The following SSC5D variants were observed in gnomAD, a reference collection of about 807,000 sequenced individuals.
SSC5D encodes scavenger receptor cysteine rich family member with 5 domains.
SSC5D carries 106 observed loss-of-function variants against 104.6 expected under a neutral mutation model. That is an observed-to-expected ratio of 1.01 (90% CI 0.87 to 1.19). SSC5D has a LOEUF of 1.19. Ranked by LOEUF, SSC5D falls within the 50% of genes most tolerant of loss-of-function variation. The pLI is 0.00. For missense variants in SSC5D, 1,993 were observed against 2,153.8 expected (o/e 0.93, Z 1.48); for synonymous variants, 860 against 883.5 (o/e 0.97, Z 0.47).
At chr19:55,494,548 G>A in intron 7 of SSC5D, 62 bp from the exon 8 acceptor site, 3 of 1,439,914 alleles carry the variant, frequency 2.1e-6, no homozygotes, top group Non-Finnish European at 2.8e-6. Flanking sequence ...CAGGAGGTGG[G>A]GGTGCCGGCT....
chr19:55,490,723 T>G (rs1353662228), intron 5 of SSC5D, 49 bp from the exon 6 acceptor site: 4 of 1,440,342 alleles, frequency 2.8e-6, no homozygotes, highest in East Asian at 2.5e-5. Context: ...AAGGGGTGTT[T>G]GAATCATTTC....
intron 12 of SSC5D, among the ~76,000 whole-genome samples, chr19:55,509,850 C>CA (rs1250937223): frequency 0.025 from 1,862 of 75,524 alleles, 27 homozygotes; most frequent in African/African-American, 0.038. Context: ...AACTCTGTCT[C>CA]AAAAAAAAAA....
chr19:55,493,702 C>T lies in SSC5D; in HGVS notation c.1003C>T (p.Leu335=). 1.3e-6 allele frequency: 2 copies of T among 1,513,110 alleles called. No individual in the cohort carries two copies. The highest frequency in any genetic ancestry group is 1.4e-5 in the African/African-American group (1 of 70,966). 93.7% of individuals were successfully genotyped at this position (1,513,110 alleles called of 1,614,324 possible). ...WGSVCDDAWD[L]RDAAVACREL... ...GTCGGTGTGTGACGACGCCTGGGAC[C>T]TGCGAGACGCCGCTGTGGCCTGCCG... Residue 335 remains leucine (L), a synonymous_variant, in exon 7 of 14, where the codon CTG becomes TTG. Transcript: ENST00000389623.
In SSC5D at chr19:55,517,307, C is replaced by T. The variant is rs1045420160; in HGVS notation, c.3031C>T (p.Pro1011Ser). The T allele has an allele frequency of 1.9e-6, 3 of 1,549,344 alleles. No individual in the cohort carries two copies. Among genetic ancestry groups the T allele is most frequent in the East Asian group, 2.4e-5 (1 of 40,908 alleles). The change falls in exon 14 of 14, where the codon CCC becomes TCC. Residue 1011 changes from proline (P) to serine (S), a missense_variant. Around this residue, in one of 6 missense-constraint regions of SSC5D, gnomAD observed 423 missense variants for 409.2 expected, o/e 1.03. Transcript: ENST00000389623. ...RTAPPTPSPG[P>S]SASPGPPGPA... ...AGCGCCCCCAACCCCGTCCCCAGGT[C>T]CCTCCGCCTCTCCGGGACCCCCAGG...
At chr19:55,489,059 C>T (rs1180219943) in intron 2 of SSC5D, 27 bp downstream of exon 2, 17 of 654,952 alleles carry the variant, frequency 2.6e-5, no homozygotes, top group Admixed American at 5.4e-5. Context: ...CTCCCATCTG[C>T]CCGCCCCCCC....
rs1599920982 is a variant in SSC5D, at chr19:55,500,221, C to T, written c.2111C>T (p.Ala704Val). ...SHTTATLTPQAPRERTTKTMA... is the reference protein window; with the variant it reads ...SHTTATLTPQVPRERTTKTMA... ...ACCACTGCCACGCTGACCCCTCAGG[C>T]CCCCCGAGAACGGACCACTAAGACC... Residue 704 changes from alanine to valine, a missense_variant, in exon 10 of 14, where the codon GCC becomes GTC. By Grantham distance (64) the Ala-to-Val change is moderately conservative. Around this residue, in one of 6 missense-constraint regions of SSC5D, gnomAD observed 1,101 missense variants for 1,085.0 expected, o/e 1.01. Transcript: ENST00000389623. The surrounding 1 kb of genome is among the most constrained non-coding windows in gnomAD (Gnocchi z 4.6). 3.2e-6 allele frequency: 5 copies of T among 1,551,262 alleles called. No individual in the cohort carries two copies. The highest frequency in any genetic ancestry group is 2.4e-5 in the East Asian group (1 of 40,906).
intron 9 of SSC5D, 104 bp downstream of exon 9, chr19:55,498,301 C>A: frequency 4.8e-6 from 6 of 1,244,846 alleles, no homozygotes; most frequent in Non-Finnish European, 5.6e-6. Flanking sequence ...AAGCCCCAGC[C>A]CTGTGCTGGG....
chr19:55,504,127 G>A, intron 12 of SSC5D: 2 of 1,535,396 alleles, frequency 1.3e-6, no homozygotes, highest in Non-Finnish European at 1.7e-6. Flanking sequence ...GCCGGAAGCG[G>A]GAGCTCCGAG....
In SSC5D at chr19:55,501,097, C is replaced by T. The variant is rs1239719722; in HGVS notation, c.2681C>T (p.Ala894Val). The change falls in exon 12 of 14, where the codon GCC becomes GTC. Residue 894 changes from alanine to valine, a missense_variant. Physicochemically the swap from Ala to Val is moderately conservative, Grantham distance 64. Coordinates refer to ENST00000389623, the MANE Select transcript of SSC5D (RefSeq NM_001144950.2). ...TWDPTSREDL[A>V]KGTTTAGVPG... Reference sequence around the variant, plus strand: ...GACCCCACCTCAAGAGAGGACCTGGCCAAGGGGACTACCACAGCGGGGGTA... The same window carrying T: ...GACCCCACCTCAAGAGAGGACCTGGTCAAGGGGACTACCACAGCGGGGGTA... 13 of 1,551,626 alleles carry T rather than the reference C, an allele frequency of 8.4e-6. No homozygotes were observed. The highest frequency in any genetic ancestry group is 1.1e-5 in the Non-Finnish European group (13 of 1,146,984).
Position 55,499,893 on chromosome 19 carries a change from T to A in SSC5D, c.1783T>A (p.Trp595Arg). The A allele has an allele frequency of 6.4e-7, 1 of 1,551,568 alleles. No homozygotes were observed. Among genetic ancestry groups the A allele is most frequent in the Non-Finnish European group, 8.7e-7 (1 of 1,146,940 alleles). ...TGGACTGGGGAGAGATCGGGATGCCTGGCTCCCGGGAGAGCTGGCCACCAA... is the reference window on the plus strand; with the variant it reads ...TGGACTGGGGAGAGATCGGGATGCCAGGCTCCCGGGAGAGCTGGCCACCAA... ...IPGLGRDRDA[W>R]LPGELATKPS... The change falls in exon 10 of 14, where the codon TGG (tryptophan) becomes AGG (arginine). Residue 595 changes from tryptophan (W) to arginine (R), a missense_variant. Physicochemically the swap from Trp to Arg is moderately radical, Grantham distance 101 (BLOSUM62 -3). This residue lies in a region of SSC5D where 1,101 missense variants were observed against 1,085.0 expected (regional missense o/e 1.01). Transcript: ENST00000389623.
intron 13 of SSC5D, among the ~76,000 whole-genome samples, chr19:55,516,047 C>T (rs1313550875): frequency 6.6e-6 from 1 of 152,114 alleles, no homozygotes; most frequent in Non-Finnish European, 1.5e-5. Flanking sequence ...GGAAGACAGC[C>T]CCAGAAGAGG....
chr19:55,510,450 G>A (rs1987731089), intron 12 of SSC5D, among the ~76,000 whole-genome samples: 1 of 152,198 alleles, frequency 6.6e-6, no homozygotes, highest in Admixed American at 6.5e-5. Context: ...CCAGGTTCAA[G>A]TGATTTTCCT....
rs1261758754 is a variant in SSC5D at position 55,488,583 on chromosome 19, T to C, written c.-7T>C. Reference sequence around the variant, plus strand: ...CTTTCACCCCATCCCCTGCCCTGGCTGCAACCATGAGGGTCTTGGCCTGCC... The same window carrying C: ...CTTTCACCCCATCCCCTGCCCTGGCCGCAACCATGAGGGTCTTGGCCTGCC... On this transcript the variant is annotated 5_prime_UTR_variant, in exon 1 of 14. Coordinates refer to ENST00000389623, the MANE Select transcript of SSC5D (RefSeq NM_001144950.2). The C allele has an allele frequency of 6.5e-7, 1 of 1,549,492 alleles. No individual in the cohort carries two copies. The highest frequency in any genetic ancestry group is 8.7e-7 in the Non-Finnish European group (1 of 1,146,240).
At chr19:55,504,172 G>A (rs1247422357) in intron 12 of SSC5D, 1 of 1,535,692 alleles carries the variant, frequency 6.5e-7, no homozygotes, top group East Asian at 2.4e-5. Flanking sequence ...TGCCAGGGTT[G>A]CAGCGCCTCC....
chr19:55,489,075 G>GAA, intron 2 of SSC5D, 43 bp downstream of exon 2: 2 of 867,478 alleles, frequency 2.3e-6, no homozygotes, highest in Non-Finnish European at 3.0e-6. Flanking sequence ...CCCCCCCCCA[G>GAA]GCCTCCCCCT....
At chr19:55,494,326 G>A (rs78930890) in intron 7 of SSC5D, among the ~76,000 whole-genome samples, 3,080 of 152,176 alleles carry the variant, frequency 0.02, 106 homozygotes, top group African/African-American at 0.07. Context: ...CCTGGCCCCC[G>A]GCGGAAGCCA....
At chr19:55,494,824 TTC>T (rs1251459758) in intron 8 of SSC5D, 41 bp downstream of exon 8, 2 of 1,493,608 alleles carry the variant, frequency 1.3e-6, no homozygotes, top group Non-Finnish European at 1.8e-6. Context: ...GGGTCCTTCC[TTC>T]TGTTTCCTTC....
At chr19:55,502,708 T>C (rs1987537600) in intron 12 of SSC5D, among the ~76,000 whole-genome samples, 1 of 152,308 alleles carries the variant, frequency 6.6e-6, no homozygotes, top group South Asian at 2.1e-4. Flanking sequence ...CAGGCTGAAG[T>C]GCAGTGGTGC....
At chr19:55,491,387 T>TAA (rs1987140079) in intron 6 of SSC5D, 5 of 351,464 alleles carry the variant, frequency 1.4e-5, no homozygotes, top group Non-Finnish European at 2.1e-5. Flanking sequence ...TAAGAATGCC[T>TAA]GCCTCAGGCT....
Sources: gnomAD v4.1 joint callset for allele counts (sites outside exome capture counted in the v4.1 genomes callset) on GRCh38, gnomAD v4.1.1 for gene constraint, gnomAD v4.1.1 regional missense constraint, Gnocchi (gnomAD v3.1) non-coding constraint, MANE v1.5 for transcripts, NCBI Gene and HGNC (gene_info 2026-07-23, HGNC 2026-07-21) for gene names.